Variants in LMX1A observed in about 807,000 individuals in gnomAD.
The protein encoded by LMX1A is LIM homeobox transcription factor 1-alpha.
Under a neutral mutation model 49.1 loss-of-function variants are expected in LMX1A, and 15 were observed. The observed-to-expected ratio is 0.31, with a 90% CI of 0.20 to 0.47. The LOEUF is 0.47. LMX1A is among the 20% of genes least tolerant of loss of function. The pLI is 1.00. For synonymous variants in LMX1A, 167 were observed against 185.7 expected, an observed-to-expected ratio of 0.90 and a Z score of 0.82; for missense variants, 372 against 475.8, an observed-to-expected ratio of 0.78 and a Z score of 2.03.
chr1:165,221,626 G>A (rs1433193944), intron 4 of LMX1A, among the ~76,000 whole-genome samples: 1 of 152,168 alleles, frequency 6.6e-6, no homozygotes, highest in Non-Finnish European at 1.5e-5. Flanking sequence ...GGGCAGGTCA[G>A]AGGCAGGGCA....
intron 4 of LMX1A, among the ~76,000 whole-genome samples, chr1:165,227,359 G>A (rs959865929): frequency 2.0e-5 from 3 of 152,018 alleles, no homozygotes; most frequent in African/African-American, 7.3e-5. Flanking sequence ...GCAACATGGC[G>A]AAACCCCATC....
At chr1:165,296,325 G>T (rs957621675) in intron 3 of LMX1A, among the ~76,000 whole-genome samples, 2 of 152,222 alleles carry the variant, frequency 1.3e-5, no homozygotes, top group East Asian at 1.9e-4. Context: ...ACCAGGGGAA[G>T]CACACATGCA....
intron 8 of LMX1A, among the ~76,000 whole-genome samples, chr1:165,205,351 C>T (rs1651033207): frequency 6.6e-6 from 1 of 152,118 alleles, no homozygotes; most frequent in African/African-American, 2.4e-5. Flanking sequence ...TAAATCAATG[C>T]TTCTTTGGGT....
chr1:165,209,035 G>A (rs530225662), intron 6 of LMX1A, among the ~76,000 whole-genome samples: 48 of 152,202 alleles, frequency 3.2e-4, no homozygotes, highest in Non-Finnish European at 6.2e-4. Flanking sequence ...TACTTTGAGT[G>A]TGTGTATGTG....
chr1:165,354,674 G>C (rs1269509323), intron 2 of LMX1A, among the ~76,000 whole-genome samples: 2 of 152,182 alleles, frequency 1.3e-5, no homozygotes, highest in Non-Finnish European at 2.9e-5. Flanking sequence ...TAGCGGTTCC[G>C]AGTGAAAGAG....
At chr1:165,216,488 C>T (rs1240988260) in intron 4 of LMX1A, among the ~76,000 whole-genome samples, 1 of 152,126 alleles carries the variant, frequency 6.6e-6, no homozygotes, top group Non-Finnish European at 1.5e-5. Flanking sequence ...TGCTCCACCC[C>T]AGGGATCATG....
rs751580288 is a variant in LMX1A, at chr1:165,203,843, C to G, written c.*37G>C. 6.2e-7 allele frequency: 1 copy of G among 1,605,620 alleles called. No individual in the cohort carries two copies. Among genetic ancestry groups the G allele is most frequent in the Non-Finnish European group, 8.5e-7 (1 of 1,172,910 alleles). ...GACCCCTCAAAGAATATGGTTGTTC[C>G]ATATGGGAGCCTAGTCACAGAACTC... On this transcript the variant is annotated 3_prime_UTR_variant, in exon 9 of 9. Coordinates refer to ENST00000342310, the MANE Select transcript of LMX1A (RefSeq NM_177398.4).
intron 4 of LMX1A, among the ~76,000 whole-genome samples, chr1:165,228,002 T>G (rs1280862966): frequency 2.6e-5 from 4 of 152,350 alleles, no homozygotes; most frequent in African/African-American, 9.6e-5. Flanking sequence ...TCATTCTAGG[T>G]TCTGGGAATA....
intron 3 of LMX1A, among the ~76,000 whole-genome samples, chr1:165,260,403 T>C (rs1653396645): frequency 6.6e-6 from 1 of 152,012 alleles, no homozygotes. Context: ...GTATTATTGA[T>C]GGTATTTTGA....
chr1:165,235,210 A>T (rs1294189651), intron 4 of LMX1A, among the ~76,000 whole-genome samples: 1 of 152,160 alleles, frequency 6.6e-6, no homozygotes, highest in Non-Finnish European at 1.5e-5. Flanking sequence ...AAGACCCGGG[A>T]GCTAGGACCA....
At chr1:165,328,680 T>C (rs1655654099) in intron 3 of LMX1A, among the ~76,000 whole-genome samples, 2 of 152,184 alleles carry the variant, frequency 1.3e-5, no homozygotes, top group Non-Finnish European at 1.5e-5. Flanking sequence ...GAATAAAACA[T>C]GAAGCAGACC....
chr1:165,277,243 A>G (rs1330555815), intron 3 of LMX1A, among the ~76,000 whole-genome samples: 1 of 152,202 alleles, frequency 6.6e-6, no homozygotes, highest in Admixed American at 6.5e-5. Context: ...GTAGGAAGAC[A>G]CTGGTCATAG....
At chr1:165,316,763 AC>A (rs911852284) in intron 3 of LMX1A, among the ~76,000 whole-genome samples, 1 of 152,146 alleles carries the variant, frequency 6.6e-6, no homozygotes, top group African/African-American at 2.4e-5. Flanking sequence ...CTTTTACAGC[AC>A]AAGACAAAAA....
chr1:165,228,743 G>C (rs1652133867), intron 4 of LMX1A, among the ~76,000 whole-genome samples: 1 of 152,248 alleles, frequency 6.6e-6, no homozygotes, highest in Admixed American at 6.5e-5. Flanking sequence ...TTAGGCTTTA[G>C]GTCTAGAATT....
chr1:165,259,400 T>C (rs1653357025), intron 3 of LMX1A, among the ~76,000 whole-genome samples: 1 of 151,448 alleles, frequency 6.6e-6, no homozygotes, highest in African/African-American at 2.5e-5. Flanking sequence ...GTCAGCTCCA[T>C]GTTTAGCCAA....
At chr1:165,254,071 T>C (rs1183847591) in intron 3 of LMX1A, among the ~76,000 whole-genome samples, 1 of 151,958 alleles carries the variant, frequency 6.6e-6, no homozygotes, top group African/African-American at 2.4e-5. Context: ...GCTCTCCTTC[T>C]CCTCCCCTTC....
At chr1:165,206,308 T>G (rs1282576666) in intron 7 of LMX1A, among the ~76,000 whole-genome samples, 1 of 152,174 alleles carries the variant, frequency 6.6e-6, no homozygotes, top group Non-Finnish European at 1.5e-5. Flanking sequence ...AATAGATGTA[T>G]CTAAAGATCT....
At chr1:165,303,457 C>T (rs1654839831) in intron 3 of LMX1A, among the ~76,000 whole-genome samples, 1 of 152,174 alleles carries the variant, frequency 6.6e-6, no homozygotes, top group African/African-American at 2.4e-5. Flanking sequence ...CATTGATCCT[C>T]GTCAAAATTT....
At chr1:165,317,436 G>T (rs2101740107) in intron 3 of LMX1A, among the ~76,000 whole-genome samples, 1 of 152,244 alleles carries the variant, frequency 6.6e-6, no homozygotes, top group African/African-American at 2.4e-5. Context: ...AGGTGAAATT[G>T]AAATGTACAT....
Sources: gnomAD v4.1 joint callset for allele counts (sites outside exome capture counted in the v4.1 genomes callset) on GRCh38, gnomAD v4.1.1 for gene constraint, MANE v1.5 for transcripts, NCBI Gene and HGNC (gene_info 2026-07-23, HGNC 2026-07-21) for gene names.